The following STAM2 variants were observed in gnomAD, a reference collection of about 807,000 sequenced individuals.
STAM2 encodes signal transducing adapter molecule 2.
A neutral mutation model predicts 65.6 loss-of-function variants in STAM2; 51 were observed. That is an observed-to-expected ratio of 0.78 (90% CI 0.62 to 0.98). The LOEUF is 0.98. STAM2 is among the 50% of genes least tolerant of loss of function. The pLI is 0.00. For synonymous variants in STAM2, 198 were observed against 208.4 expected, an observed-to-expected ratio of 0.95 and a Z score of 0.43; for missense variants, 584 against 617.8, an observed-to-expected ratio of 0.95 and a Z score of 0.58.
Position 152,127,825 on chromosome 2 carries a change from G to T in STAM2, c.1026-1446C>A, listed in dbSNP as rs567295270. Among the ~76,000 whole-genome samples, 81 of 152,290 alleles carry T rather than the reference G, an allele frequency of 5.3e-4. 1 individual carries two copies. Among genetic ancestry groups the T allele is most frequent in the Non-Finnish European group, 9.0e-4 (61 of 68,020 alleles). ...TGATAGTTCCCCTGGGAGTAATAAA[G>T]AACTCTCTTTGCACTGTCAAATTTA... On this transcript the variant is annotated intron_variant, in intron 11 of 13. Coordinates refer to ENST00000263904, the MANE Select transcript of STAM2 (RefSeq NM_005843.6).
chr2:152,161,940 A>G (rs758046544), intron 1 of STAM2, among the ~76,000 whole-genome samples: 4 of 151,820 alleles, frequency 2.6e-5, no homozygotes, highest in Non-Finnish European at 5.9e-5. Flanking sequence ...TTCCTGCCTC[A>G]GCCTCTGGAG....
intron 1 of STAM2, among the ~76,000 whole-genome samples, chr2:152,160,738 G>T (rs896820203): frequency 6.7e-6 from 1 of 149,768 alleles, no homozygotes; most frequent in African/African-American, 2.5e-5. Flanking sequence ...CCCCATCCGG[G>T]AGGTGAGGGG....
intron 1 of STAM2, among the ~76,000 whole-genome samples, chr2:152,173,478 C>A (rs1290959801): frequency 6.6e-6 from 1 of 151,024 alleles, no homozygotes; most frequent in African/African-American, 2.4e-5. Context: ...CTCACTGCAA[C>A]CTCCGCCTCC....
intron 1 of STAM2, among the ~76,000 whole-genome samples, chr2:152,167,483 A>C (rs73967753): frequency 6.6e-6 from 1 of 152,368 alleles, no homozygotes; most frequent in African/African-American, 2.4e-5. Context: ...ATGTTTCAAC[A>C]ATACCAAAAT....
intron 8 of STAM2, among the ~76,000 whole-genome samples, chr2:152,134,055 A>G (rs1029598689): frequency 2.0e-5 from 3 of 152,074 alleles, no homozygotes; most frequent in Admixed American, 2.0e-4. Context: ...GAGAAGGTTG[A>G]AAAAAAACTT....
chr2:152,141,630 G>A (rs889701092), intron 7 of STAM2, among the ~76,000 whole-genome samples: 7 of 150,932 alleles, frequency 4.6e-5, no homozygotes, highest in African/African-American at 1.2e-4. Flanking sequence ...TCGCTCTGTC[G>A]CCCAGGCTGG....
chr2:152,145,098 G>A lies in STAM2; in HGVS notation c.448-141C>T, dbSNP rs1560216677. 6 of 669,972 alleles carry A rather than the reference G, an allele frequency of 9.0e-6. No homozygotes were observed. The South Asian group carries it at 1.0e-4, about 12-fold the overall frequency. The allele number at this position is 669,972 out of a possible 1,614,324, so 41.5% of individuals were successfully genotyped here. On this transcript the variant is annotated intron_variant, in intron 5 of 13. Coordinates refer to ENST00000263904, the MANE Select transcript of STAM2 (RefSeq NM_005843.6). Reference sequence around the variant, plus strand: ...AAGTGAAGTTCTTTTTTGAGACAGGGTCTCATTCTGTCAGCCAGGTTGCAG... The same window carrying A: ...AAGTGAAGTTCTTTTTTGAGACAGGATCTCATTCTGTCAGCCAGGTTGCAG...
chr2:152,135,650 A>ATAAT (rs761802707), intron 7 of STAM2, 47 bp from the exon 8 acceptor site: 1 of 1,223,904 alleles, frequency 8.2e-7, no homozygotes, highest in South Asian at 1.4e-5. Context: ...ACATTTTAAT[A>ATAAT]CAATAAGCAA....
chr2:152,129,350 TG>T (rs1689017810), intron 11 of STAM2, among the ~76,000 whole-genome samples: 1 of 152,154 alleles, frequency 6.6e-6, no homozygotes, highest in Non-Finnish European at 1.5e-5. Context: ...GGGGTCTCAC[TG>T]TATTACCCAA....
rs1210911328 is a variant in STAM2, at chr2:152,120,187, T to G, written c.*387A>C. ...CATACTGTTTATAAGTATGAGATACTTTTGACAAACTCACTCTGTCGATCA... is the reference window on the plus strand; with the variant it reads ...CATACTGTTTATAAGTATGAGATACGTTTGACAAACTCACTCTGTCGATCA... On this transcript the variant is annotated 3_prime_UTR_variant, in exon 14 of 14. Transcript: ENST00000263904. 1 of 150,696 alleles carries G rather than the reference T, an allele frequency of 6.6e-6. No individual in the cohort carries two copies. The allele number at this position is 150,696 out of a possible 1,614,324, so 9.3% of individuals were successfully genotyped here. A position where few individuals can be genotyped will look rare whatever the true frequency, so the allele number is the denominator to read the frequency against.
intron 1 of STAM2, among the ~76,000 whole-genome samples, chr2:152,153,960 T>G (rs534022483): frequency 1.5e-3 from 219 of 149,970 alleles, no homozygotes; most frequent in South Asian, 2.7e-3. Context: ...AATAAAATAG[T>G]ATAAGGTGTA....
rs910136977 is a variant in STAM2, at chr2:152,120,494, GTT to G, written c.*78_*79del. On this transcript the variant is annotated 3_prime_UTR_variant, in exon 14 of 14. Transcript: ENST00000263904. The stretch of plus-strand genomic sequence containing the variant: ...TCCTTTTGAGTTGAGAGGGAAAAAA[GTT>G]TTAATATTTTCAGGTTGGTATCACA... The G allele has an allele frequency of 6.8e-5, 85 of 1,251,190 alleles. No homozygotes were observed. The African/African-American group carries it at 1.0e-3, about 15-fold the overall frequency. The allele number at this position is 1,251,190 out of a possible 1,614,324, so 77.5% of individuals were successfully genotyped here.
intron 1 of STAM2, among the ~76,000 whole-genome samples, chr2:152,151,598 C>A (rs1689447755): frequency 6.6e-6 from 1 of 152,166 alleles, no homozygotes; most frequent in South Asian, 2.1e-4. Context: ...ACAACTAACA[C>A]CAGTATCTAA....
chr2:152,171,378 TCTA>T (rs1235513699), intron 1 of STAM2, among the ~76,000 whole-genome samples: 1 of 151,834 alleles, frequency 6.6e-6, no homozygotes, highest in East Asian at 1.9e-4. Flanking sequence ...GGCTGTTAAG[TCTA>T]CTATTCTTAT....
Position 152,143,226 on chromosome 2 carries a change from ATAAC to A in STAM2, c.704+597_704+600del, listed in dbSNP as rs1283237527. Among the ~76,000 whole-genome samples, 7 of 152,338 alleles carry A rather than the reference ATAAC, an allele frequency of 4.6e-5. No individual in the cohort carries two copies. The South Asian group carries it at 1.0e-3, about 23-fold the overall frequency. On this transcript the variant is annotated intron_variant, in intron 7 of 13. Transcript: ENST00000263904. ...AATATATTAGACTAGTGTGTTATAA[ATAAC>A]TAAGTTATTTATAATGGATACCAAA...
intron 1 of STAM2, among the ~76,000 whole-genome samples, chr2:152,152,980 T>C (rs1388555614): frequency 6.6e-6 from 1 of 152,226 alleles, no homozygotes; most frequent in African/African-American, 2.4e-5. Context: ...TCAATATCTT[T>C]TTTTGTGGTC....
At chr2:152,170,762 A>T (rs1389138359) in intron 1 of STAM2, among the ~76,000 whole-genome samples, 1 of 152,190 alleles carries the variant, frequency 6.6e-6, no homozygotes, top group Non-Finnish European at 1.5e-5. Context: ...TTGGGAGGCC[A>T]AGGCAGGCAG....
intron 8 of STAM2, among the ~76,000 whole-genome samples, chr2:152,134,775 G>T (rs1298104303): frequency 1.3e-5 from 2 of 152,160 alleles, no homozygotes; most frequent in African/African-American, 4.8e-5. Context: ...TTAGCACAAT[G>T]CCTGACAAAT....
intron 1 of STAM2, 143 bp downstream of exon 1, chr2:152,175,460 G>T: frequency 1.8e-6 from 2 of 1,096,790 alleles, no homozygotes; most frequent in Non-Finnish European, 1.3e-6. Context: ...AAATCCCAAC[G>T]TCGAAGGAGC....
Sources: allele counts gnomAD v4.1 joint callset (sites outside exome capture counted in the v4.1 genomes callset), GRCh38; gene constraint gnomAD v4.1.1; transcripts MANE v1.5; gene names NCBI Gene and HGNC (gene_info 2026-07-23, HGNC 2026-07-21).